The following SASH1 variants were observed in gnomAD, a reference collection of about 807,000 sequenced individuals.
The protein encoded by SASH1 is SAM and SH3 domain containing 1, also known as SAM and SH3 domain-containing protein 1.
Under a neutral mutation model 125.2 loss-of-function variants are expected in SASH1, and 44 were observed. That is an observed-to-expected ratio of 0.35 (90% CI 0.28 to 0.45). The LOEUF is 0.45. Among genes scored for constraint, SASH1 ranks in the 20% least tolerant of loss-of-function variants. SASH1 has a pLI of 1.00. For missense variants in SASH1, 1,426 were observed against 1,614.5 expected (o/e 0.88, Z 2.00); for synonymous variants, 639 against 649.1 (o/e 0.98, Z 0.24).
intron 17 of SASH1, among the ~76,000 whole-genome samples, chr6:148,541,861 G>A (rs982335667): frequency 2.6e-5 from 4 of 152,178 alleles, no homozygotes; most frequent in African/African-American, 7.2e-5. Flanking sequence ...AACTTGGGAA[G>A]ATAGTAGTTC....
chr6:148,463,826 A>G (rs901525441), intron 4 of SASH1, among the ~76,000 whole-genome samples: 1 of 151,992 alleles, frequency 6.6e-6, no homozygotes, highest in Non-Finnish European at 1.5e-5. Flanking sequence ...GGGGAAGTGA[A>G]TGTTATTTCA....
At chr6:148,339,447 C>G (rs1781260789), upstream of SASH1, among the ~76,000 whole-genome samples, 1 of 151,694 alleles carries the variant, frequency 6.6e-6, no homozygotes, top group African/African-American at 2.4e-5. Context: ...GCTTAAATAT[C>G]TAGAATAGGT....
intron 2 of SASH1, among the ~76,000 whole-genome samples, chr6:148,392,241 G>A (rs1045178175): frequency 3.3e-5 from 5 of 149,820 alleles, no homozygotes; most frequent in Non-Finnish European, 3.0e-5. Flanking sequence ...AGCCGAGATC[G>A]CGCCATTGCA....
At position 148,530,602 on chromosome 6, in the gene SASH1, C is replaced by T. The variant is rs748658675; in HGVS notation, c.1429-924C>T. ...CTGTGTTAAGGCCCTTCTGATGACT[C>T]GGCAGCATGCAAATAGCAGGTTTCA... On this transcript the variant is annotated intron_variant, in intron 12 of 19. Coordinates refer to ENST00000367467, the MANE Select transcript of SASH1 (RefSeq NM_015278.5). Among the ~76,000 whole-genome samples the T allele has an allele frequency of 1.4e-4, 21 of 152,162 alleles. 1 individual carries two copies. Among genetic ancestry groups the T allele is most frequent in the South Asian group, 2.1e-4 (1 of 4,824 alleles).
chr6:148,430,648 G>A (rs1243683344), intron 2 of SASH1, among the ~76,000 whole-genome samples: 1 of 152,208 alleles, frequency 6.6e-6, no homozygotes, highest in Non-Finnish European at 1.5e-5. Flanking sequence ...AAAGATTTTG[G>A]AAGAGAGAAG....
intron 5 of SASH1, among the ~76,000 whole-genome samples, chr6:148,469,860 T>C (rs1778017050): frequency 6.6e-6 from 1 of 151,938 alleles, no homozygotes; most frequent in Non-Finnish European, 1.5e-5. Context: ...ACCTCATCTC[T>C]ACTAAGAATA....
At position 148,540,555 on chromosome 6, in the gene SASH1, C is replaced by T. The variant is rs201040824; in HGVS notation, c.2208C>T (p.Asn736=). 164 of 1,611,550 alleles carry T rather than the reference C, an allele frequency of 1.0e-4. No homozygotes were observed. The highest frequency in any genetic ancestry group is 4.9e-4 in the Middle Eastern group (3 of 6,078). Reference sequence around the variant, plus strand: ...ACGAAAGCAGTGAGAACCTGGAAAACGGTAATGTCAGCATGAGTCGCTGGG... The same window carrying T: ...ACGAAAGCAGTGAGAACCTGGAAAATGGTAATGTCAGCATGAGTCGCTGGG... ...GCYESSENLE[N]GKTRKASLLS... is the part of the protein sequence containing the mutation. The change falls in exon 17 of 20, where the codon AAC becomes AAT. Residue 736 remains asparagine (N), a splice_region_variant and synonymous_variant. Transcript: ENST00000367467.
intron 1 of SASH1, among the ~76,000 whole-genome samples, chr6:148,362,618 A>G (rs1445358410): frequency 6.6e-6 from 1 of 151,632 alleles, no homozygotes; most frequent in African/African-American, 2.4e-5. Context: ...AGGCTTAGGA[A>G]TGCTTTCCAT....
chr6:148,417,278 G>C (rs1316766564), intron 2 of SASH1, among the ~76,000 whole-genome samples: 1 of 152,176 alleles, frequency 6.6e-6, no homozygotes, highest in Non-Finnish European at 1.5e-5. Context: ...GTAGATCTTA[G>C]GGTAGCAGTT....
chr6:148,380,971 G>A (rs1277216386), intron 1 of SASH1, among the ~76,000 whole-genome samples: 1 of 152,196 alleles, frequency 6.6e-6, no homozygotes, highest in African/African-American at 2.4e-5. Flanking sequence ...TCGGAATATA[G>A]TAGATGTTTA....
At chr6:148,536,327 T>TTTTG (rs1781843079) in intron 16 of SASH1, among the ~76,000 whole-genome samples, 1 of 151,778 alleles carries the variant, frequency 6.6e-6, no homozygotes, top group East Asian at 1.9e-4. Context: ...GGGGTTTTTG[T>TTTTG]TTTGTTTTGT....
intron 1 of SASH1, among the ~76,000 whole-genome samples, chr6:148,292,463 G>A (rs963314723): frequency 1.3e-5 from 2 of 152,246 alleles, no homozygotes; most frequent in East Asian, 3.9e-4. Flanking sequence ...ACAGATATTA[G>A]CAACATTCTG....
chr6:148,310,991 C>T (rs1780311444), intron 1 of SASH1, among the ~76,000 whole-genome samples: 1 of 152,044 alleles, frequency 6.6e-6, no homozygotes, highest in Non-Finnish European at 1.5e-5. Context: ...GTTGCCCAGG[C>T]TGGTCTCAAA....
At chr6:148,452,266 G>A (rs1777132058) in intron 4 of SASH1, among the ~76,000 whole-genome samples, 3 of 152,256 alleles carry the variant, frequency 2.0e-5, no homozygotes, top group Admixed American at 2.0e-4. Flanking sequence ...TAGAGGCTGA[G>A]GGCATGAGGG....
chr6:148,233,283 G>C, the SASH1 span, among the ~76,000 whole-genome samples: 5 of 151,378 alleles, frequency 3.3e-5, no homozygotes, highest in Non-Finnish European at 7.4e-5. Context: ...CAGTCTGTCT[G>C]ACACCGAAGT....
chr6:148,529,807 T>G lies in SASH1; in HGVS notation c.1429-1719T>G, dbSNP rs1268199914. ...AGGTTTTATGTGGTTGTTTTTTTTT[T>G]GTTTTTGTTTTTGTTTTGAGACGGA... On this transcript the variant is annotated intron_variant, in intron 12 of 19. Coordinates refer to ENST00000367467, the MANE Select transcript of SASH1 (RefSeq NM_015278.5). This position sits in a 1 kb window ranked among gnomAD's most constrained non-coding sequence, Gnocchi z 4.2. Among the ~76,000 whole-genome samples, 1 of 141,436 alleles carries G rather than the reference T, an allele frequency of 7.1e-6. No homozygotes were observed. Among genetic ancestry groups the G allele is most frequent in the African/African-American group, 2.8e-5 (1 of 36,114 alleles). 92.8% of individuals were successfully genotyped at this position (141,436 alleles called of 152,430 possible). A position where few individuals can be genotyped will look rare whatever the true frequency, so the allele number is the denominator to read the frequency against.
upstream of SASH1, chr6:148,272,236 A>AT (rs1475784499): frequency 2.4e-6 from 1 of 415,816 alleles, no homozygotes; most frequent in East Asian, 7.4e-5. Flanking sequence ...AGTGTCCCAC[A>AT]TCTGCCCTGA....
chr6:148,412,822 AG>A (rs1784680107), intron 2 of SASH1, among the ~76,000 whole-genome samples: 1 of 152,200 alleles, frequency 6.6e-6, no homozygotes, highest in Non-Finnish European at 1.5e-5. Context: ...CTATATCACT[AG>A]GATGCTAAGT....
intron 2 of SASH1, among the ~76,000 whole-genome samples, chr6:148,394,970 C>A (rs1041843059): frequency 6.6e-6 from 1 of 152,128 alleles, no homozygotes; most frequent in East Asian, 1.9e-4. Context: ...TGTCAGCAGC[C>A]CTGTCAAAGC....
Sources: allele counts gnomAD v4.1 joint callset (sites outside exome capture counted in the v4.1 genomes callset), GRCh38; gene constraint gnomAD v4.1.1; non-coding constraint Gnocchi (gnomAD v3.1); transcripts MANE v1.5; gene names NCBI Gene and HGNC (gene_info 2026-07-23, HGNC 2026-07-21).